Variants in BRCA2 observed in about 807,000 individuals in gnomAD.
BRCA2 encodes the protein breast cancer type 2 susceptibility protein.
Under a neutral mutation model 276.7 loss-of-function variants are expected in BRCA2, and 203 were observed. The observed-to-expected ratio is 0.73, with a 90% confidence interval of 0.65 to 0.82. BRCA2 has a LOEUF of 0.82. Among genes scored for constraint, BRCA2 ranks in the 40% least tolerant of loss-of-function variants. BRCA2 has a pLI of 0.00. For synonymous variants in BRCA2, 1,289 were observed against 1,338.4 expected (o/e 0.96, Z 0.81); for missense variants, 3,920 against 3,915.0 (o/e 1.00, Z -0.03).
rs80359059 is a variant in BRCA2, at chr13:32,363,343, A to C, written c.8141A>C (p.Gln2714Pro). Residue 2714 changes from glutamine (Q) to proline (P), a missense_variant, in exon 18 of 27, where the codon CAA becomes CCA. By Grantham distance (76) the Gln-to-Pro change is moderately conservative. This residue lies in a region of BRCA2 where 3,263 missense variants were observed against 3,156.9 expected (regional missense o/e 1.03). Coordinates refer to ENST00000380152, the MANE Select transcript of BRCA2 (RefSeq NM_000059.4). ...SSNKTSSADT[Q>P]KVAIIELTDG... is the part of the protein sequence containing the mutation. The stretch of plus-strand genomic sequence containing the variant: ...AATAAAACTAGTAGTGCAGATACCC[A>C]AAAAGTGGCCATTATTGAACTTACA... 1 of 1,614,072 alleles carries C rather than the reference A, an allele frequency of 6.2e-7. No homozygotes were observed. Among genetic ancestry groups the C allele is most frequent in the Non-Finnish European group, 8.5e-7 (1 of 1,180,030 alleles).
At chr13:32,323,076 A>G (rs946699447) in intron 3 of BRCA2, among the ~76,000 whole-genome samples, 2 of 151,784 alleles carry the variant, frequency 1.3e-5, no homozygotes, top group African/African-American at 4.8e-5. Flanking sequence ...CCTCACCAGC[A>G]TTTGGTGTGT....
chr13:32,329,024 C>G (rs1387250851), intron 7 of BRCA2, among the ~76,000 whole-genome samples: 3 of 152,110 alleles, frequency 2.0e-5, no homozygotes, highest in African/African-American at 4.8e-5. Context: ...TAACCCTATT[C>G]TGTTGCTTAG....
rs1422201756 is a variant in BRCA2, at chr13:32,356,457, G to T, written c.7465G>T (p.Asp2489Tyr). The change falls in exon 15 of 27, where the codon GAT becomes TAT. Residue 2489 changes from aspartate to tyrosine, a missense_variant. Transcript: ENST00000380152. ...DLITSLQNARDIQDMRIKKKQ... is the reference protein window; with the variant it reads ...DLITSLQNARYIQDMRIKKKQ... ...AATTACAAGTCTTCAGAATGCCAGA[G>T]ATATACAGGATATGCGAATTAAGAA... The T allele has an allele frequency of 6.2e-7, 1 of 1,613,898 alleles. No individual in the cohort carries two copies. Among genetic ancestry groups the T allele is most frequent in the Non-Finnish European group, 8.5e-7 (1 of 1,179,876 alleles).
chr13:32,372,761 T>A (rs1173412245), intron 20 of BRCA2, among the ~76,000 whole-genome samples: 2 of 152,116 alleles, frequency 1.3e-5, no homozygotes, highest in African/African-American at 4.8e-5. Context: ...TCTCCGAAAG[T>A]CTTAACTAAT....
intron 24 of BRCA2, among the ~76,000 whole-genome samples, chr13:32,393,332 A>T (rs1323432638): frequency 3.3e-5 from 5 of 152,236 alleles, no homozygotes; most frequent in Non-Finnish European, 5.9e-5. Flanking sequence ...CTTCTACATT[A>T]ATTGGAATTC....
intron 15 of BRCA2, 57 bp from the exon 16 acceptor site, chr13:32,357,685 G>A (rs2137565651): frequency 6.5e-7 from 1 of 1,545,124 alleles, no homozygotes; most frequent in Non-Finnish European, 8.9e-7. Context: ...TTTTTATTGT[G>A]TGATACATGT....
chr13:32,397,112 A>G, intron 26 of BRCA2, 68 bp downstream of exon 26: 3 of 1,492,818 alleles, frequency 2.0e-6, no homozygotes, highest in Non-Finnish European at 2.8e-6. Flanking sequence ...ATTCTGTTGT[A>G]TACCTAGTAA....
At chr13:32,329,054 A>C (rs566251717) in intron 7 of BRCA2, among the ~76,000 whole-genome samples, 22 of 152,318 alleles carry the variant, frequency 1.4e-4, no homozygotes, top group African/African-American at 5.3e-4. Flanking sequence ...TATGGATAAA[A>C]TCATTTTGAA....
intron 18 of BRCA2, among the ~76,000 whole-genome samples, chr13:32,368,586 G>A (rs1324726621): frequency 6.6e-6 from 1 of 150,814 alleles, no homozygotes; most frequent in Non-Finnish European, 1.5e-5. Context: ...TTCCTCAATG[G>A]TGATCATTCA....
At position 32,338,634 on chromosome 13, in the gene BRCA2, T is replaced by A. The variant is rs730881531; in HGVS notation, c.4279T>A (p.Phe1427Ile). 6.3e-7 allele frequency: 1 copy of A among 1,598,278 alleles called. No homozygotes were observed. Among genetic ancestry groups the A allele is most frequent in the Non-Finnish European group, 8.5e-7 (1 of 1,170,264 alleles). Reference sequence around the variant, plus strand: ...AAAAGATTTTGAGACTTCTGATACATTTTTTCAGACTGCAAGTGGGAAAAA... The same window carrying A: ...AAAAGATTTTGAGACTTCTGATACAATTTTTCAGACTGCAAGTGGGAAAAA... ...NIKDFETSDT[F>I]FQTASGKNIS... Residue 1427 changes from phenylalanine (F) to isoleucine (I), a missense_variant, in exon 11 of 27, where the codon TTT (phenylalanine) becomes ATT (isoleucine). Physicochemically the swap from Phe to Ile is conservative, Grantham distance 21. This residue lies in a region of BRCA2 where 3,263 missense variants were observed against 3,156.9 expected (regional missense o/e 1.03). Transcript: ENST00000380152.
intron 13 of BRCA2, among the ~76,000 whole-genome samples, chr13:32,350,471 C>T (rs190094625): frequency 7.9e-5 from 12 of 152,150 alleles, no homozygotes; most frequent in East Asian, 7.7e-4. Context: ...CATTAATGGC[C>T]GGGTGTGGTG....
At chr13:32,397,248 C>G (rs748208302) in intron 26 of BRCA2, among the ~76,000 whole-genome samples, 4 of 152,178 alleles carry the variant, frequency 2.6e-5, no homozygotes, top group Non-Finnish European at 4.4e-5. Flanking sequence ...ACTTTCCAAA[C>G]AGGTGCTTTC....
chr13:32,398,627 G>A lies in BRCA2; in HGVS notation c.10114G>A (p.Ala3372Thr), dbSNP rs1555290046. ...FISVSESTRT[A>T]PTSSEDYLRL... Reference sequence around the variant, plus strand: ...ATCTGTCAGTGAATCCACTAGGACTGCTCCCACCAGTTCAGAAGATTATCT... The same window carrying A: ...ATCTGTCAGTGAATCCACTAGGACTACTCCCACCAGTTCAGAAGATTATCT... The change falls in exon 27 of 27, where the codon GCT (alanine) becomes ACT (threonine). Residue 3372 changes from alanine to threonine, a missense_variant. Transcript: ENST00000380152. 2 of 1,614,158 alleles carry A rather than the reference G, an allele frequency of 1.2e-6. No homozygotes were observed. Among genetic ancestry groups the A allele is most frequent in the South Asian group, 1.1e-5 (1 of 91,082 alleles).
intron 12 of BRCA2, among the ~76,000 whole-genome samples, chr13:32,344,939 A>G (rs1361253844): frequency 3.3e-5 from 5 of 152,282 alleles, no homozygotes; most frequent in Non-Finnish European, 5.9e-5. Flanking sequence ...GAGTTCACTG[A>G]GTTATGCGGA....
intron 24 of BRCA2, among the ~76,000 whole-genome samples, chr13:32,390,307 T>G (rs2072988141): frequency 6.6e-6 from 1 of 152,062 alleles, no homozygotes; most frequent in African/African-American, 2.4e-5. Context: ...AACTCTAATT[T>G]TAGGCTGGGC....
intron 18 of BRCA2, 118 bp from the exon 19 acceptor site, chr13:32,370,284 A>C (rs1273803658): frequency 9.9e-7 from 1 of 1,006,046 alleles, no homozygotes; most frequent in East Asian, 2.6e-5. Context: ...TCTTCCTAAG[A>C]CTTTTTAAAG....
At chr13:32,368,237 G>C (rs1005065075) in intron 18 of BRCA2, among the ~76,000 whole-genome samples, 14 of 151,648 alleles carry the variant, frequency 9.2e-5, no homozygotes, top group Admixed American at 7.9e-4. Flanking sequence ...GGCTACGCTG[G>C]TGTTGAACTC....
intron 13 of BRCA2, among the ~76,000 whole-genome samples, chr13:32,353,237 GCC>G (rs2072664058): frequency 6.6e-6 from 1 of 151,986 alleles, no homozygotes; most frequent in South Asian, 2.1e-4. Flanking sequence ...TTCTCTTAAA[GCC>G]CAACTCATTA....
At position 32,317,168 on chromosome 13, in the gene BRCA2, T is replaced by C. The variant is rs11571576; in HGVS notation, c.67+641T>C. On this transcript the variant is annotated intron_variant, in intron 2 of 26. Transcript: ENST00000380152. Reference sequence around the variant, plus strand: ...GAGCCAAGATCATGCCACTGCACTCTAGCCTGGGCCACATAGCATGACTCT... The same window carrying C: ...GAGCCAAGATCATGCCACTGCACTCCAGCCTGGGCCACATAGCATGACTCT... Among the ~76,000 whole-genome samples, 6,797 of 152,268 alleles carry C rather than the reference T, an allele frequency of 0.045. 238 individuals are homozygous for C. The highest frequency in any genetic ancestry group is 0.1 in the Admixed American group (1,564 of 15,296).
Sources: gnomAD v4.1 joint callset for allele counts (sites outside exome capture counted in the v4.1 genomes callset) on GRCh38, gnomAD v4.1.1 for gene constraint, gnomAD v4.1.1 regional missense constraint, MANE v1.5 for transcripts, NCBI Gene and HGNC (gene_info 2026-07-23, HGNC 2026-07-21) for gene names.